The following SLC35F4 variants were observed in gnomAD, a reference collection of about 807,000 sequenced individuals.
The protein encoded by SLC35F4 is solute carrier family 35 member F4, also known as chromosome 14 open reading frame 36.
In SLC35F4, 24 loss-of-function variants were observed where a neutral mutation model predicts 44.2. The ratio of observed to expected loss-of-function variants is 0.54; its 90% CI spans 0.39 to 0.76. The LOEUF is 0.76. SLC35F4 is among the 30% of genes least tolerant of loss of function. The pLI, the probability that SLC35F4 is intolerant of heterozygous loss-of-function variation, is 0.00. For missense variants in SLC35F4, 562 were observed against 586.1 expected (o/e 0.96, Z 0.42); for synonymous variants, 238 against 223.6 (o/e 1.06, Z -0.57).
chr14:57,790,540 T>C lies in SLC35F4; in HGVS notation c.103+75183A>G, dbSNP rs538014982. ...GCTCGTGGATGGGAAGAATCAATACTGTGAAAATGGCCATACTGCCCAAAG... is the reference window on the plus strand; with the variant it reads ...GCTCGTGGATGGGAAGAATCAATACCGTGAAAATGGCCATACTGCCCAAAG... On this transcript the variant is annotated intron_variant, in intron 1 of 7. Transcript: ENST00000556826. Among the ~76,000 whole-genome samples, 25 of 152,236 alleles carry C rather than the reference T, an allele frequency of 1.6e-4. No individual in the cohort carries two copies. In the South Asian group the frequency reaches 4.4e-3, roughly 27 times the overall value.
chr14:57,606,988 A>G (rs1010900210), intron 1 of SLC35F4, among the ~76,000 whole-genome samples: 2 of 152,214 alleles, frequency 1.3e-5, no homozygotes, highest in African/African-American at 2.4e-5. Flanking sequence ...AAGAACAAGA[A>G]GGCATGGTGC....
chr14:57,969,976 A>C (rs1457819497), intron 1 of SLC35F4, among the ~76,000 whole-genome samples: 2 of 152,224 alleles, frequency 1.3e-5, no homozygotes, highest in African/African-American at 4.8e-5. Context: ...AGACAAAGTC[A>C]AAATTAAATC....
intron 1 of SLC35F4, among the ~76,000 whole-genome samples, chr14:57,839,846 C>T (rs1036495566): frequency 1.3e-5 from 2 of 152,026 alleles, no homozygotes; most frequent in African/African-American, 2.4e-5. Flanking sequence ...TTAAATATTC[C>T]ACAGGAGATC....
chr14:57,620,735 G>A (rs2072131612), intron 1 of SLC35F4, among the ~76,000 whole-genome samples: 1 of 152,144 alleles, frequency 6.6e-6, no homozygotes. Context: ...AGCATGAAGG[G>A]TTGTTGAATT....
chr14:57,896,610 T>TA (rs904053316), intron 1 of SLC35F4, among the ~76,000 whole-genome samples: 3 of 151,976 alleles, frequency 2.0e-5, no homozygotes, highest in Admixed American at 1.3e-4. Context: ...TTATCTTATG[T>TA]AAAAAAAAGT....
At chr14:57,962,853 G>C (rs1275790680) in intron 1 of SLC35F4, among the ~76,000 whole-genome samples, 3 of 152,144 alleles carry the variant, frequency 2.0e-5, no homozygotes, top group Admixed American at 1.3e-4. Flanking sequence ...CCTCAGGCTC[G>C]TTCATTCTTT....
intron 1 of SLC35F4, among the ~76,000 whole-genome samples, chr14:57,619,806 G>A (rs2072073469): frequency 6.6e-6 from 1 of 152,006 alleles, no homozygotes; most frequent in African/African-American, 2.4e-5. Context: ...AAAAGGTTAG[G>A]CAAATTGCTA....
At chr14:57,652,277 A>T (rs1169469170) in intron 1 of SLC35F4, among the ~76,000 whole-genome samples, 1 of 152,154 alleles carries the variant, frequency 6.6e-6, no homozygotes, top group Non-Finnish European at 1.5e-5. Flanking sequence ...AAGAAATAAA[A>T]AGAAACCCCA....
chr14:57,614,876 G>C (rs1268567670), intron 1 of SLC35F4, among the ~76,000 whole-genome samples: 1 of 152,226 alleles, frequency 6.6e-6, no homozygotes, highest in Non-Finnish European at 1.5e-5. Flanking sequence ...TAGGGAGAAA[G>C]CTGTGTGACC....
intron 1 of SLC35F4, among the ~76,000 whole-genome samples, chr14:57,844,381 T>C (rs1192765674): frequency 1.3e-5 from 2 of 152,220 alleles, no homozygotes; most frequent in African/African-American, 4.8e-5. Flanking sequence ...GGGGTCGATG[T>C]TGAAGCAATG....
intron 1 of SLC35F4, among the ~76,000 whole-genome samples, chr14:57,894,385 T>C (rs1048677317): frequency 6.6e-6 from 1 of 152,036 alleles, no homozygotes; most frequent in Non-Finnish European, 1.5e-5. Context: ...AAAACTCAAG[T>C]GCCCAGCAAG....
At chr14:57,739,639 C>A (rs2076555418) in intron 1 of SLC35F4, among the ~76,000 whole-genome samples, 1 of 152,200 alleles carries the variant, frequency 6.6e-6, no homozygotes, top group Non-Finnish European at 1.5e-5. Flanking sequence ...ATGGGCCTGG[C>A]ATCCTTCTTG....
At chr14:57,600,870 T>C (rs2070787506) in intron 1 of SLC35F4, among the ~76,000 whole-genome samples, 1 of 152,070 alleles carries the variant, frequency 6.6e-6, no homozygotes, top group Non-Finnish European at 1.5e-5. Context: ...AGGTTTTTCA[T>C]AGAAACCCAC....
chr14:57,937,315 G>T (rs971419365), intron 1 of SLC35F4, among the ~76,000 whole-genome samples: 3 of 152,006 alleles, frequency 2.0e-5, no homozygotes, highest in Non-Finnish European at 4.4e-5. Flanking sequence ...TGATCCACCT[G>T]CCTCAGCCTC....
At chr14:57,927,412 T>C (rs2141063199) in intron 1 of SLC35F4, among the ~76,000 whole-genome samples, 1 of 151,316 alleles carries the variant, frequency 6.6e-6, no homozygotes, top group African/African-American at 2.4e-5. Flanking sequence ...TTCTGACTGG[T>C]TACCTTTGTC....
intron 1 of SLC35F4, among the ~76,000 whole-genome samples, chr14:57,736,358 G>T (rs2076463700): frequency 6.6e-6 from 1 of 152,160 alleles, no homozygotes; most frequent in South Asian, 2.1e-4. Flanking sequence ...CAAGTGGGAA[G>T]AATAATCCAA....
intron 1 of SLC35F4, among the ~76,000 whole-genome samples, chr14:57,664,044 G>A (rs2074228112): frequency 6.6e-6 from 1 of 152,086 alleles, no homozygotes; most frequent in African/African-American, 2.4e-5. Flanking sequence ...GTACATAGAG[G>A]AGAATATTAA....
intron 1 of SLC35F4, among the ~76,000 whole-genome samples, chr14:57,962,329 C>T (rs561995749): frequency 6.6e-6 from 1 of 152,268 alleles, no homozygotes; most frequent in Admixed American, 6.5e-5. Flanking sequence ...ACCAAGTAGA[C>T]AGAACTCCAG....
intron 1 of SLC35F4, among the ~76,000 whole-genome samples, chr14:57,599,090 CCCA>C (rs1325031483): frequency 1.3e-5 from 2 of 152,208 alleles, no homozygotes; most frequent in Non-Finnish European, 2.9e-5. Context: ...TTCCTAAATT[CCCA>C]CAGCTTTCTC....
Sources: allele counts gnomAD v4.1 joint callset (sites outside exome capture counted in the v4.1 genomes callset), GRCh38; gene constraint gnomAD v4.1.1; transcripts MANE v1.5; gene names NCBI Gene and HGNC (gene_info 2026-07-23, HGNC 2026-07-21).